The following KNDC1 variants were observed in gnomAD, a reference collection of about 807,000 sequenced individuals.
The protein encoded by KNDC1 is kinase non-catalytic C-lobe domain containing 1, also known as kinase non-catalytic C-lobe domain-containing protein 1.
Under a neutral mutation model 172.8 loss-of-function variants are expected in KNDC1, and 106 were observed. The observed-to-expected ratio is 0.61, with a 90% CI of 0.52 to 0.72. KNDC1 has a LOEUF of 0.72. Among genes scored for constraint, KNDC1 ranks in the 30% least tolerant of loss-of-function variants. KNDC1 has a pLI of 0.00. For missense variants in KNDC1, 2,325 were observed against 2,394.5 expected (o/e 0.97, Z 0.61); for synonymous variants, 1,083 against 1,062.2 (o/e 1.02, Z -0.38).
At chr10:133,161,561 T>G (rs1852970606) in intron 1 of KNDC1, among the ~76,000 whole-genome samples, 1 of 152,028 alleles carries the variant, frequency 6.6e-6, no homozygotes, top group Non-Finnish European at 1.5e-5. Flanking sequence ...ACCGTCCTTC[T>G]GGGAAGGTTC....
chr10:133,198,933 G>T lies in KNDC1; in HGVS notation c.2425G>T (p.Gly809Trp). 1 of 1,558,972 alleles carries T rather than the reference G, an allele frequency of 6.4e-7. No individual in the cohort carries two copies. Among genetic ancestry groups the T allele is most frequent in the Non-Finnish European group, 8.6e-7 (1 of 1,157,068 alleles). Reference protein sequence around the residue: ...AEPIPPGVASGGLRPDALGPT... With the variant: ...AEPIPPGVASWGLRPDALGPT... Reference sequence around the variant, plus strand: ...GCCGATCCCACCTGGAGTTGCTTCCGGGGGCCTCAGGCCCGACGCCCTGGG... The same window carrying T: ...GCCGATCCCACCTGGAGTTGCTTCCTGGGGCCTCAGGCCCGACGCCCTGGG... The change falls in exon 14 of 30, where the codon GGG (glycine) becomes TGG (tryptophan). Residue 809 changes from glycine (G) to tryptophan (W), a missense_variant. Coordinates refer to ENST00000304613, the MANE Select transcript of KNDC1 (RefSeq NM_152643.8).
At chr10:133,172,121 G>A (rs1853395247) in intron 3 of KNDC1, among the ~76,000 whole-genome samples, 1 of 152,142 alleles carries the variant, frequency 6.6e-6, no homozygotes, top group Non-Finnish European at 1.5e-5. Flanking sequence ...ACAGCAATGA[G>A]TCTTGGAACA....
chr10:133,184,281 ACG>A (rs1491567088), intron 5 of KNDC1, among the ~76,000 whole-genome samples: 5 of 126,858 alleles, frequency 3.9e-5, no homozygotes, highest in East Asian at 5.4e-4. Flanking sequence ...ATGCACACAC[ACG>A]CTGCACACAC....
chr10:133,160,651 G>A (rs1852935594), intron 1 of KNDC1, 82 bp downstream of exon 1: 4 of 916,106 alleles, frequency 4.4e-6, no homozygotes, highest in Non-Finnish European at 6.4e-6. Flanking sequence ...CCCGGGAGGG[G>A]CTGTGAGCTC....
intron 29 of KNDC1, among the ~76,000 whole-genome samples, chr10:133,222,282 C>CAA (rs557486015): frequency 1.1e-3 from 140 of 123,754 alleles, no homozygotes; most frequent in South Asian, 2.5e-3. Flanking sequence ...GACTCCGTCT[C>CAA]AAAAAAAAAA....
At position 133,214,053 on chromosome 10, in the gene KNDC1, G is replaced by T; in HGVS notation, c.4608G>T (p.Gln1536His). 1 of 1,614,222 alleles carries T rather than the reference G, an allele frequency of 6.2e-7. No homozygotes were observed. Among genetic ancestry groups the T allele is most frequent in the Non-Finnish European group, 8.5e-7 (1 of 1,180,024 alleles). ...ACGTTCAGGACAAGTATCTGTTACA[G>T]CTTCTAAGAAACGCAGATGACGTCA... ...PNYVQDKYLL[Q>H]LLRNADDVST... The change falls in exon 26 of 30, where the codon CAG becomes CAT. Residue 1536 changes from glutamine to histidine, a missense_variant. By Grantham distance (24) the Gln-to-His change is conservative. Transcript: ENST00000304613.
In KNDC1 at chr10:133,209,423, ATAGT is replaced by A. The variant is rs534489327; in HGVS notation, c.3795-1187_3795-1184del. Among the ~76,000 whole-genome samples, 458 of 117,508 alleles carry A rather than the reference ATAGT, an allele frequency of 3.9e-3. 4 individuals are homozygous for A. The highest frequency in any genetic ancestry group is 0.012 in the African/African-American group (445 of 36,640). The allele number at this position is 117,508 out of a possible 152,430, so 77.1% of individuals were successfully genotyped here. On this transcript the variant is annotated intron_variant, in intron 20 of 29. Transcript: ENST00000304613. The surrounding 1 kb of genome is among the most constrained non-coding windows in gnomAD (Gnocchi z 4.9). ...GTGTGATCTGTGGTGTGTGGCGGGT[ATAGT>A]GTGTGTGTGCACGTATGTGTGGTGT...
rs1854326687 is a variant in KNDC1 at position 133,200,387 on chromosome 10, G to A, written c.2916G>A (p.Glu972=). 1.3e-6 allele frequency: 2 copies of A among 1,594,318 alleles called. No homozygotes were observed. The highest frequency in any genetic ancestry group is 1.4e-5 in the African/African-American group (1 of 73,348). ...QASPSPSTAE[E]AGSQLEGSQS... Reference sequence around the variant, plus strand: ...TTCTCGTCGTCAGCACGGCCGAGGAGGCTGGGTCACAGCTCGAGGGCAGCC... The same window carrying A: ...TTCTCGTCGTCAGCACGGCCGAGGAAGCTGGGTCACAGCTCGAGGGCAGCC... Residue 972 remains glutamate, a synonymous_variant, in exon 16 of 30, where the codon GAG becomes GAA. Coordinates refer to ENST00000304613, the MANE Select transcript of KNDC1 (RefSeq NM_152643.8).
chr10:133,196,854 T>G (rs562323840), intron 10 of KNDC1, among the ~76,000 whole-genome samples: 1 of 152,178 alleles, frequency 6.6e-6, no homozygotes, highest in South Asian at 2.1e-4. Context: ...CCAGGGAGCC[T>G]GGGGGACAGT....
chr10:133,196,553 G>C (rs1024486774), intron 10 of KNDC1, among the ~76,000 whole-genome samples: 2 of 152,216 alleles, frequency 1.3e-5, no homozygotes, highest in African/African-American at 4.8e-5. Context: ...TCTTGGGCGG[G>C]TTGCTCAGAC....
At chr10:133,197,211 C>CGGGAGCGGCCAGGCAA in intron 11 of KNDC1, 76 bp downstream of exon 11, 1 of 1,182,952 alleles carries the variant, frequency 8.5e-7, no homozygotes, top group Non-Finnish European at 1.2e-6. Context: ...TTGCCCTTGC[C>CGGGAGCGGCCAGGCAA]TGGCCGCTCC....
chr10:133,224,531 C>A lies in KNDC1; in HGVS notation c.5019-128C>A. ...CTCGCCAATAAATACAGACAACCCA[C>A]CCTTCAGAATTTACACGGTGAAAAG... On this transcript the variant is annotated intron_variant, in intron 29 of 29. Transcript: ENST00000304613. This position sits in a 1 kb window ranked among gnomAD's most constrained non-coding sequence, Gnocchi z 5.4. The A allele has an allele frequency of 1.5e-6, 1 of 677,856 alleles. No homozygotes were observed. Among genetic ancestry groups the A allele is most frequent in the Non-Finnish European group, 2.6e-6 (1 of 391,904 alleles). 42.0% of individuals were successfully genotyped at this position (677,856 alleles called of 1,614,324 possible).
At chr10:133,216,321 G>A (rs1317991496) in intron 26 of KNDC1, among the ~76,000 whole-genome samples, 2 of 148,390 alleles carry the variant, frequency 1.3e-5, no homozygotes, top group Non-Finnish European at 3.0e-5. Context: ...CCGTTTAGAC[G>A]ACGTCTGGAG....
At chr10:133,203,308 G>A (rs921211088) in intron 17 of KNDC1, among the ~76,000 whole-genome samples, 6 of 150,658 alleles carry the variant, frequency 4.0e-5, no homozygotes, top group African/African-American at 9.8e-5. Flanking sequence ...GGGAGCACTC[G>A]GCCCCCAAAC....
intron 1 of KNDC1, among the ~76,000 whole-genome samples, chr10:133,164,599 C>T (rs369971449): frequency 1.3e-5 from 2 of 152,350 alleles, no homozygotes; most frequent in African/African-American, 4.8e-5. Context: ...GTCGAGGCCA[C>T]CTCGGCAGCC....
In KNDC1 at chr10:133,224,895, G is replaced by A; in HGVS notation, c.*5G>A. On this transcript the variant is annotated 3_prime_UTR_variant, in exon 30 of 30. Transcript: ENST00000304613. The surrounding 1 kb of genome is among the most constrained non-coding windows in gnomAD (Gnocchi z 5.4). ...ATGAAGGCTACATTCCAGTAGCCGA[G>A]CTCGGGCCTGGTGTGGAATTCCAGA... 6.2e-7 allele frequency: 1 copy of A among 1,604,938 alleles called. No individual in the cohort carries two copies. The highest frequency in any genetic ancestry group is 8.5e-7 in the Non-Finnish European group (1 of 1,172,490).
intron 21 of KNDC1, 114 bp downstream of exon 21, chr10:133,210,838 G>C: frequency 1.1e-6 from 1 of 879,628 alleles, no homozygotes; most frequent in Non-Finnish European, 1.9e-6. Context: ...CGACCCAAGG[G>C]GGTGAGGGGC....
At chr10:133,219,202 G>A in intron 28 of KNDC1, 112 bp downstream of exon 28, 3 of 1,337,698 alleles carry the variant, frequency 2.2e-6, no homozygotes, top group East Asian at 2.5e-5. Flanking sequence ...AGTGTGTGCA[G>A]GTGGCCCAGC....
intron 1 of KNDC1, among the ~76,000 whole-genome samples, chr10:133,160,948 G>A (rs1236573588): frequency 1.3e-5 from 2 of 152,012 alleles, no homozygotes; most frequent in Admixed American, 6.5e-5. Flanking sequence ...CTCAGGAGCT[G>A]GGGGATGAGG....
Sources: allele counts gnomAD v4.1 joint callset (sites outside exome capture counted in the v4.1 genomes callset), GRCh38; gene constraint gnomAD v4.1.1; non-coding constraint Gnocchi (gnomAD v3.1); transcripts MANE v1.5; gene names NCBI Gene and HGNC (gene_info 2026-07-23, HGNC 2026-07-21).